RIMS1: variants seen among roughly 807,000 people sequenced by gnomAD.
RIMS1 encodes the protein regulating synaptic membrane exocytosis 1, also known as regulating synaptic membrane exocytosis protein 1.
In RIMS1, 83 loss-of-function variants were observed where a neutral mutation model predicts 214.1. That is an observed-to-expected ratio of 0.39 (90% CI 0.32 to 0.47). RIMS1 has a LOEUF of 0.47. Among genes scored for constraint, RIMS1 ranks in the 20% least tolerant of loss-of-function variants. RIMS1 has a pLI of 0.99. For missense variants in RIMS1, 2,050 were observed against 2,161.8 expected, an observed-to-expected ratio of 0.95 and a Z score of 1.03; for synonymous variants, 793 against 786.8, an observed-to-expected ratio of 1.01 and a Z score of -0.13.
intron 2 of RIMS1, among the ~76,000 whole-genome samples, chr6:72,062,756 C>T (rs551209698): frequency 2.4e-4 from 37 of 152,186 alleles, no homozygotes; most frequent in South Asian, 2.3e-3. Context: ...CCTGTGGAGG[C>T]ACTAGGGACA....
intron 2 of RIMS1, among the ~76,000 whole-genome samples, chr6:72,074,525 C>T (rs1397009270): frequency 2.6e-5 from 4 of 151,992 alleles, no homozygotes; most frequent in African/African-American, 4.8e-5. Context: ...ATTAGCCGGA[C>T]GTGGTGGCCC....
intron 2 of RIMS1, among the ~76,000 whole-genome samples, chr6:71,977,901 C>T (rs1322066426): frequency 6.6e-6 from 1 of 152,146 alleles, no homozygotes; most frequent in East Asian, 1.9e-4. Context: ...CCTTAAAGCA[C>T]TTTAAAGAAG....
intron 2 of RIMS1, among the ~76,000 whole-genome samples, chr6:71,985,632 T>G (rs1175888560): frequency 6.6e-6 from 1 of 152,224 alleles, no homozygotes; most frequent in Non-Finnish European, 1.5e-5. Flanking sequence ...CCATGGAAAT[T>G]GACAAACCCT....
chr6:71,955,441 A>G (rs1790965849), intron 1 of RIMS1, among the ~76,000 whole-genome samples: 1 of 152,182 alleles, frequency 6.6e-6, no homozygotes, highest in Non-Finnish European at 1.5e-5. Flanking sequence ...TGCTGGGATT[A>G]CAGGCATGAG....
At chr6:71,911,204 C>T (rs1426153596) in intron 1 of RIMS1, among the ~76,000 whole-genome samples, 1 of 152,050 alleles carries the variant, frequency 6.6e-6, no homozygotes, top group Non-Finnish European at 1.5e-5. Context: ...GTTTTAAGGG[C>T]CATGTTGCAT....
chr6:72,150,631 C>T (rs1158355354), intron 4 of RIMS1, among the ~76,000 whole-genome samples: 1 of 152,166 alleles, frequency 6.6e-6, no homozygotes, highest in Non-Finnish European at 1.5e-5. Flanking sequence ...AAATGTGTCA[C>T]CTTACATGTG....
intron 2 of RIMS1, among the ~76,000 whole-genome samples, chr6:72,015,515 T>A (rs1029803337): frequency 3.3e-5 from 5 of 152,234 alleles, no homozygotes; most frequent in Non-Finnish European, 7.3e-5. Flanking sequence ...TTTCTGGATA[T>A]CTTTTATTTA....
chr6:71,953,539 C>A (rs1323219620), intron 1 of RIMS1, among the ~76,000 whole-genome samples: 1 of 152,052 alleles, frequency 6.6e-6, no homozygotes, highest in East Asian at 1.9e-4. Flanking sequence ...AGAAGTAGAT[C>A]CATTGATGTA....
chr6:72,008,778 C>G (rs1391629560), intron 2 of RIMS1, among the ~76,000 whole-genome samples: 1 of 152,184 alleles, frequency 6.6e-6, no homozygotes, highest in Non-Finnish European at 1.5e-5. Context: ...AGCTAACTAT[C>G]CTAAATATAT....
At chr6:72,205,579 T>G (rs1301999696) in intron 6 of RIMS1, among the ~76,000 whole-genome samples, 2 of 152,160 alleles carry the variant, frequency 1.3e-5, no homozygotes, top group Non-Finnish European at 2.9e-5. Context: ...AGCCTGGTGT[T>G]TGGAACTGAA....
At chr6:72,236,267 T>C (rs2154094506) in intron 8 of RIMS1, among the ~76,000 whole-genome samples, 1 of 152,296 alleles carries the variant, frequency 6.6e-6, no homozygotes, top group Admixed American at 6.5e-5. Flanking sequence ...TATTCTATAA[T>C]AAAACTCAGA....
At chr6:72,397,811 T>G (rs945288921) in intron 31 of RIMS1, among the ~76,000 whole-genome samples, 5 of 152,120 alleles carry the variant, frequency 3.3e-5, no homozygotes, top group African/African-American at 1.2e-4. Context: ...GATAAATAGA[T>G]AGATAGACAG....
Position 71,949,305 on chromosome 6 carries a change from G to T in RIMS1, c.165-19678G>T, listed in dbSNP as rs568454872. Among the ~76,000 whole-genome samples, 121 of 152,166 alleles carry T rather than the reference G, an allele frequency of 8.0e-4. 4 individuals are homozygous for T. The highest frequency in any genetic ancestry group is 7.5e-3 in the Admixed American group (114 of 15,276). ...TGGGCATAGCAAGTTAACAAGAAAGGTCCTCTAAATTATATGATTATCTTT... is the reference window on the plus strand; with the variant it reads ...TGGGCATAGCAAGTTAACAAGAAAGTTCCTCTAAATTATATGATTATCTTT... On this transcript the variant is annotated intron_variant, in intron 1 of 33. Coordinates refer to ENST00000521978, the MANE Select transcript of RIMS1 (RefSeq NM_014989.7).
intron 29 of RIMS1, among the ~76,000 whole-genome samples, chr6:72,344,349 CA>C (rs1255764497): frequency 2.0e-5 from 3 of 151,696 alleles, no homozygotes; most frequent in African/African-American, 7.3e-5. Context: ...GTTATAGCTG[CA>C]GGGAAGGAAG....
chr6:72,117,884 A>G (rs2037395333), intron 4 of RIMS1, among the ~76,000 whole-genome samples: 4 of 152,092 alleles, frequency 2.6e-5, no homozygotes, highest in Admixed American at 2.6e-4. Flanking sequence ...AAACAAGAAT[A>G]AACTCAACCC....
chr6:72,261,031 A>G lies in RIMS1; in HGVS notation c.3116+264A>G, dbSNP rs377767062. The G allele has an allele frequency of 1.2e-5, 15 of 1,253,402 alleles. No homozygotes were observed. In the East Asian group the frequency reaches 3.0e-4, roughly 25 times the overall value. 77.6% of individuals were successfully genotyped at this position (1,253,402 alleles called of 1,614,324 possible). ...CTCTGGGACTGTTTGCGTTCCTAAA[A>G]CTGAGGAACCAGTTTCTGCAATTAA... On this transcript the variant is annotated intron_variant, in intron 19 of 33. Transcript: ENST00000521978.
At chr6:72,394,509 C>T (rs2098751118) in intron 31 of RIMS1, among the ~76,000 whole-genome samples, 1 of 151,768 alleles carries the variant, frequency 6.6e-6, no homozygotes, top group Non-Finnish European at 1.5e-5. Context: ...ATAATAATAT[C>T]TAAAACTGCA....
chr6:72,222,903 G>C (rs2058967547), intron 6 of RIMS1, among the ~76,000 whole-genome samples: 1 of 152,108 alleles, frequency 6.6e-6, no homozygotes, highest in Non-Finnish European at 1.5e-5. Context: ...TGTTCATAGA[G>C]CTACACACAG....
At chr6:72,216,367 T>A in intron 6 of RIMS1, 1 of 828,820 alleles carries the variant, frequency 1.2e-6, no homozygotes, top group Non-Finnish European at 1.5e-6. Context: ...TCCCCAGCTC[T>A]CTGGCAAAAC....
Sources: allele counts gnomAD v4.1 joint callset (sites outside exome capture counted in the v4.1 genomes callset), GRCh38; gene constraint gnomAD v4.1.1; transcripts MANE v1.5; gene names NCBI Gene and HGNC (gene_info 2026-07-23, HGNC 2026-07-21).